Variants in RUNX1T1 observed in about 807,000 individuals in gnomAD.
RUNX1T1 encodes protein CBFA2T1.
RUNX1T1 carries 4 observed loss-of-function variants against 62.8 expected under a neutral mutation model. That is an observed-to-expected ratio of 0.06 (90% CI 0.03 to 0.15). The LOEUF (loss-of-function observed/expected upper bound fraction) is 0.15. Ranked by LOEUF, RUNX1T1 falls within the 10% of genes least tolerant of loss-of-function variation. RUNX1T1 has a pLI of 1.00. For missense variants in RUNX1T1, 508 were observed against 754.3 expected, an observed-to-expected ratio of 0.67 and a Z score of 3.82; for synonymous variants, 291 against 286.0, an observed-to-expected ratio of 1.02 and a Z score of -0.18.
chr8:92,047,528 G>A (rs912400198), intron 1 of RUNX1T1, among the ~76,000 whole-genome samples: 1 of 152,030 alleles, frequency 6.6e-6, no homozygotes, highest in Non-Finnish European at 1.5e-5. Context: ...ACACTAGAAT[G>A]TAAGTTCTAT....
intron 1 of RUNX1T1, among the ~76,000 whole-genome samples, chr8:92,094,761 C>CAG (rs111597995): frequency 0.055 from 8,298 of 152,076 alleles, 711 homozygotes; most frequent in African/African-American, 0.19. Flanking sequence ...AGGGGGTTGT[C>CAG]GGGAGAGGAA....
intron 10 of RUNX1T1, among the ~76,000 whole-genome samples, chr8:91,963,452 A>G (rs890269936): frequency 3.3e-5 from 5 of 151,392 alleles, no homozygotes; most frequent in African/African-American, 1.2e-4. Flanking sequence ...GCGCATATTC[A>G]TTCTTAAAAG....
At position 92,028,114 on chromosome 8, in the gene RUNX1T1, G is replaced by C. The variant is rs540130993; in HGVS notation, c.8-10751C>G. Among the ~76,000 whole-genome samples the C allele has an allele frequency of 1.1e-3, 132 of 120,380 alleles. 1 individual carries two copies. Among genetic ancestry groups the C allele is most frequent in the African/African-American group, 4.0e-3 (127 of 31,422 alleles). 79.0% of individuals were successfully genotyped at this position (120,380 alleles called of 152,430 possible). A position where few individuals can be genotyped will look rare whatever the true frequency, so the allele number is the denominator to read the frequency against. ...GGGAAGGAAGGAGGGAAAGAAGGGA[G>C]GGAGGAGGGGAGGGAGGGATGGATG... On this transcript the variant is annotated intron_variant, in intron 1 of 10. Coordinates refer to ENST00000396218, the Ensembl canonical transcript of RUNX1T1.
At chr8:92,035,444 C>T (rs1827240974) in intron 1 of RUNX1T1, among the ~76,000 whole-genome samples, 1 of 151,928 alleles carries the variant, frequency 6.6e-6, no homozygotes, top group South Asian at 2.1e-4. Flanking sequence ...TTTACCACCA[C>T]ACAATATATG....
chr8:92,071,675 T>A (rs1477372301), intron 2 of RUNX1T1, among the ~76,000 whole-genome samples: 1 of 152,078 alleles, frequency 6.6e-6, no homozygotes, highest in Non-Finnish European at 1.5e-5. Context: ...AGGGCTGGCC[T>A]TGCAGGATGT....
At chr8:92,096,071 C>G (rs993491585) in intron 1 of RUNX1T1, among the ~76,000 whole-genome samples, 1 of 152,208 alleles carries the variant, frequency 6.6e-6, no homozygotes, top group Non-Finnish European at 1.5e-5. Flanking sequence ...CCCCAATACT[C>G]CTAAATTCCA....
chr8:91,998,315 TTC>T (rs1481270558), intron 5 of RUNX1T1, among the ~76,000 whole-genome samples: 2 of 152,232 alleles, frequency 1.3e-5, no homozygotes, highest in African/African-American at 2.4e-5. Flanking sequence ...CTGCAGTGGT[TTC>T]TCTGTTTTGC....
At position 92,014,563 on chromosome 8, in the gene RUNX1T1, G is replaced by T. The variant is rs376282920; in HGVS notation, c.387+16C>A. ...CCCTTACACCAAGAAAACTGGGTTG[G>T]TTTCCATTTGCTTACCACTAGTCCC... On this transcript the variant is annotated intron_variant, in intron 3 of 10. Coordinates refer to ENST00000396218, the Ensembl canonical transcript of RUNX1T1. The T allele has an allele frequency of 8.2e-6, 13 of 1,578,346 alleles. No homozygotes were observed. The highest frequency in any genetic ancestry group is 1.2e-5 in the South Asian group (1 of 85,546).
intron 6 of RUNX1T1, among the ~76,000 whole-genome samples, chr8:91,990,761 G>A (rs899781851): frequency 4.6e-5 from 7 of 151,658 alleles, no homozygotes; most frequent in Admixed American, 6.6e-5. Context: ...GGGCTCAAGC[G>A]ATCCTCCTGC....
intron 5 of RUNX1T1, among the ~76,000 whole-genome samples, chr8:91,995,800 A>G (rs1190053173): frequency 6.6e-6 from 1 of 152,182 alleles, no homozygotes; most frequent in Non-Finnish European, 1.5e-5. Flanking sequence ...AAAAAGGGGA[A>G]AAAAAGAAAA....
intron 8 of RUNX1T1, among the ~76,000 whole-genome samples, chr8:91,977,734 T>A (rs1021703137): frequency 6.6e-6 from 1 of 151,682 alleles, no homozygotes; most frequent in African/African-American, 2.4e-5. Context: ...AAAGTAGCAA[T>A]TTTTTTTTCA....
intron 8 of RUNX1T1, among the ~76,000 whole-genome samples, chr8:91,984,789 G>C (rs1816194429): frequency 6.6e-6 from 1 of 152,006 alleles, no homozygotes; most frequent in African/African-American, 2.4e-5. Context: ...AAATAGTTTG[G>C]CTTCGACCAA....
At chr8:92,052,925 T>C (rs1264509108) in intron 1 of RUNX1T1, among the ~76,000 whole-genome samples, 1 of 152,202 alleles carries the variant, frequency 6.6e-6, no homozygotes, top group African/African-American at 2.4e-5. Flanking sequence ...ACTCAACAGA[T>C]GAGCTAAACT....
intron 1 of RUNX1T1, among the ~76,000 whole-genome samples, chr8:92,028,091 GAAGGAAGGAGGGAAAGAAGGGAGGGAGGA>G (rs1825580134): frequency 1.4e-5 from 1 of 73,848 alleles, no homozygotes; most frequent in African/African-American, 5.8e-5. Flanking sequence ...GGGGGGGTGG[GAAGGAAGGAGGGAAAGAAGGGAGGGAGGA>G]GGGGAGGGAG....
At chr8:92,005,403 A>C in intron 4 of RUNX1T1, 106 bp from the exon 6 acceptor site, 3 of 954,422 alleles carry the variant, frequency 3.1e-6, no homozygotes, top group Non-Finnish European at 4.6e-6. Flanking sequence ...ATGCAGCTAC[A>C]TCAAAGGTCA....
exon 11 of RUNX1T1, chr8:91,959,027 G>C (rs775875989): frequency 2.4e-5 from 5 of 209,258 alleles, no homozygotes; most frequent in Admixed American, 1.2e-4. Flanking sequence ...GAAAGATACA[G>C]GTTTCTCACC....
rs1816853138 is a variant in RUNX1T1, at chr8:91,987,655, T to G, written c.911-683A>C. On this transcript the variant is annotated intron_variant, in intron 6 of 10. Coordinates refer to ENST00000396218, the Ensembl canonical transcript of RUNX1T1. ...AGTGAACCAACTGAAAATCCTAATTTGAAGTCCATGAAAAAGTAATACATA... is the reference window on the plus strand; with the variant it reads ...AGTGAACCAACTGAAAATCCTAATTGGAAGTCCATGAAAAAGTAATACATA... 2.0e-5 allele frequency among the ~76,000 whole-genome samples: 3 copies of G among 152,140 alleles called. No individual in the cohort carries two copies. In the South Asian group the frequency reaches 6.2e-4, roughly 31 times the overall value.
At chr8:91,965,379 T>G (rs952151821) in intron 10 of RUNX1T1, among the ~76,000 whole-genome samples, 1 of 152,184 alleles carries the variant, frequency 6.6e-6, no homozygotes, top group African/African-American at 2.4e-5. Flanking sequence ...TCTTATACAA[T>G]AACTTCTTCT....
upstream of RUNX1T1, among the ~76,000 whole-genome samples, chr8:92,101,646 G>C (rs969104549): frequency 6.6e-6 from 1 of 152,196 alleles, no homozygotes; most frequent in Non-Finnish European, 1.5e-5. Flanking sequence ...GGGGGAGAGG[G>C]GGAGGGAAGG....
Sources: gnomAD v4.1 joint callset for allele counts (sites outside exome capture counted in the v4.1 genomes callset) on GRCh38, gnomAD v4.1.1 for gene constraint, MANE v1.5 for transcripts, NCBI Gene and HGNC (gene_info 2026-07-23, HGNC 2026-07-21) for gene names.